Variants in NRXN1 observed in about 807,000 individuals in gnomAD.
NRXN1 encodes neurexin 1.
Under a neutral mutation model 150.9 loss-of-function variants are expected in NRXN1, and 39 were observed. That is an observed-to-expected ratio of 0.26 (90% CI 0.20 to 0.34). NRXN1 has a LOEUF of 0.34. Ranked by LOEUF, NRXN1 falls within the 10% of genes least tolerant of loss-of-function variation. The pLI is 1.00. For synonymous variants in NRXN1, 924 were observed against 757.0 expected, an observed-to-expected ratio of 1.22 and a Z score of -3.62; for missense variants, 1,815 against 1,949.9, an observed-to-expected ratio of 0.93 and a Z score of 1.30.
intron 21 of NRXN1, among the ~76,000 whole-genome samples, chr2:49,980,041 A>G (rs1457876203): frequency 6.6e-6 from 1 of 152,000 alleles, no homozygotes; most frequent in Non-Finnish European, 1.5e-5. Flanking sequence ...CATTAACATT[A>G]TATCCTAAAA....
rs1305593221 is a variant in NRXN1, at chr2:50,893,226, T to C, written c.832+28643A>G. Among the ~76,000 whole-genome samples, 9 of 152,194 alleles carry C rather than the reference T, an allele frequency of 5.9e-5. No homozygotes were observed. In the East Asian group the frequency reaches 9.6e-4, roughly 16 times the overall value. On this transcript the variant is annotated intron_variant, in intron 5 of 22. Transcript: ENST00000401669. ...AGCACCCAGCTGTCACATGTGTTTA[T>C]AGATGTACATGCAAATATCTATTAT...
intron 1 of NRXN1, among the ~76,000 whole-genome samples, chr2:51,029,438 G>C (rs887700807): frequency 6.6e-6 from 1 of 152,158 alleles, no homozygotes; most frequent in Non-Finnish European, 1.5e-5. Context: ...TTGGTAACCC[G>C]AAGTTTTAAA....
chr2:50,545,020 T>C (rs2093464768), intron 9 of NRXN1, among the ~76,000 whole-genome samples: 1 of 152,176 alleles, frequency 6.6e-6, no homozygotes, highest in South Asian at 2.1e-4. Context: ...GTATTTTATG[T>C]GTGTGAACAT....
intron 17 of NRXN1, among the ~76,000 whole-genome samples, chr2:50,254,513 T>C (rs777199857): frequency 3.3e-5 from 5 of 151,810 alleles, no homozygotes; most frequent in Non-Finnish European, 7.4e-5. Flanking sequence ...TGTTAGGGTG[T>C]CAATTTGAGC....
At chr2:50,276,552 C>A in intron 17 of NRXN1, among the ~76,000 whole-genome samples, 1 of 152,158 alleles carries the variant, frequency 6.6e-6, no homozygotes, top group African/African-American at 2.4e-5. Context: ...ACCCTTGGAT[C>A]TCAGAGGAGA....
chr2:50,462,319 T>C (rs924002537), intron 17 of NRXN1, among the ~76,000 whole-genome samples: 1 of 151,464 alleles, frequency 6.6e-6, no homozygotes, highest in Non-Finnish European at 1.5e-5. Flanking sequence ...CAAAATTCTA[T>C]AGGAAGCCAG....
At chr2:50,483,453 A>T (rs866611945) in intron 15 of NRXN1, among the ~76,000 whole-genome samples, 9 of 152,004 alleles carry the variant, frequency 5.9e-5, no homozygotes, top group African/African-American at 1.9e-4. Flanking sequence ...TACTCTATGG[A>T]CTTGCCCCAA....
chr2:50,859,342 T>C (rs1448466806), intron 5 of NRXN1, among the ~76,000 whole-genome samples: 1 of 151,922 alleles, frequency 6.6e-6, no homozygotes, highest in African/African-American at 2.4e-5. Flanking sequence ...AGAAGCCAGA[T>C]TTGGCAAGAG....
intron 22 of NRXN1, among the ~76,000 whole-genome samples, chr2:49,924,892 T>C (rs573665791): frequency 9.2e-5 from 14 of 152,224 alleles, no homozygotes; most frequent in Non-Finnish European, 1.8e-4. Context: ...TCGGAATAGG[T>C]AGTTACTCCA....
At chr2:50,180,200 A>G (rs1487910744) in intron 18 of NRXN1, among the ~76,000 whole-genome samples, 2 of 151,266 alleles carry the variant, frequency 1.3e-5, no homozygotes. Context: ...TTAAAAAAAA[A>G]AATTTGTAGA....
At chr2:50,411,424 T>C (rs1192948249) in intron 17 of NRXN1, among the ~76,000 whole-genome samples, 1 of 152,148 alleles carries the variant, frequency 6.6e-6, no homozygotes, top group Non-Finnish European at 1.5e-5. Context: ...AGTGCCGAGA[T>C]TGCAGCCTCT....
intron 5 of NRXN1, among the ~76,000 whole-genome samples, chr2:50,721,310 C>A (rs1438976509): frequency 6.6e-6 from 1 of 152,156 alleles, no homozygotes; most frequent in African/African-American, 2.4e-5. Flanking sequence ...TTTCATATGT[C>A]TGTCCTGTTA....
intron 5 of NRXN1, among the ~76,000 whole-genome samples, chr2:50,862,736 T>C (rs1468749603): frequency 6.6e-6 from 1 of 152,088 alleles, no homozygotes; most frequent in Non-Finnish European, 1.5e-5. Context: ...TTACTGCTAA[T>C]ATCAATATTT....
chr2:50,266,911 CTTT>C (rs2068966496), intron 17 of NRXN1, among the ~76,000 whole-genome samples: 1 of 152,160 alleles, frequency 6.6e-6, no homozygotes, highest in Non-Finnish European at 1.5e-5. Flanking sequence ...AGTTATTCTT[CTTT>C]ATTATAGAAA....
intron 15 of NRXN1, among the ~76,000 whole-genome samples, chr2:50,490,409 CA>C (rs1457372584): frequency 3.9e-5 from 6 of 152,230 alleles, no homozygotes; most frequent in Middle Eastern, 3.4e-3. Context: ...CTTTCAAGTT[CA>C]AAAAGCTACC....
intron 17 of NRXN1, among the ~76,000 whole-genome samples, chr2:50,458,480 T>G (rs1172869370): frequency 1.3e-5 from 2 of 152,182 alleles, no homozygotes; most frequent in Non-Finnish European, 1.5e-5. Flanking sequence ...ATATTTTAAA[T>G]GATGGATACC....
chr2:50,192,729 C>T (rs1180200228), intron 18 of NRXN1, among the ~76,000 whole-genome samples: 1 of 152,140 alleles, frequency 6.6e-6, no homozygotes, highest in African/African-American at 2.4e-5. Context: ...GCCTCAGCCT[C>T]CTGAGTAGCT....
rs969111041 is a variant in NRXN1, at chr2:50,188,581, T to A, written c.3546+48208A>T. Among the ~76,000 whole-genome samples the A allele has an allele frequency of 6.6e-5, 10 of 151,808 alleles. No homozygotes were observed. The East Asian group carries it at 1.5e-3, about 24-fold the overall frequency. On this transcript the variant is annotated intron_variant, in intron 18 of 22. Coordinates refer to ENST00000401669, the MANE Select transcript of NRXN1 (RefSeq NM_001330078.2). ...CAAAATAAACTATCATTAGAGTGAA[T>A]AGGTAACCTACAGAATGGGAGAAAA... is the stretch of plus-strand genomic sequence containing the variant.
At chr2:50,396,874 G>A (rs2082084433) in intron 17 of NRXN1, among the ~76,000 whole-genome samples, 1 of 152,108 alleles carries the variant, frequency 6.6e-6, no homozygotes, top group Non-Finnish European at 1.5e-5. Context: ...TTACATAGAA[G>A]ACGAGTATTT....
Sources: gnomAD v4.1 joint callset for allele counts (sites outside exome capture counted in the v4.1 genomes callset) on GRCh38, gnomAD v4.1.1 for gene constraint, MANE v1.5 for transcripts, NCBI Gene and HGNC (gene_info 2026-07-23, HGNC 2026-07-21) for gene names.